CSMD1: variants seen among roughly 807,000 people sequenced by gnomAD.
CSMD1 encodes CUB and sushi domain-containing protein 1.
A neutral mutation model predicts 417.5 loss-of-function variants in CSMD1; 213 were observed. That is an observed-to-expected ratio of 0.51 (90% CI 0.46 to 0.57). The LOEUF (loss-of-function observed/expected upper bound fraction) is 0.57. Ranked by LOEUF, CSMD1 falls within the 20% of genes least tolerant of loss-of-function variation. CSMD1 has a pLI of 0.00. For missense variants in CSMD1, 6,923 were observed against 4,529.7 expected (o/e 1.53, Z -15.17); for synonymous variants, 2,862 against 1,736.8 (o/e 1.65, Z -16.11).
chr8:3,640,041 A>T (rs1349933383), intron 7 of CSMD1, among the ~76,000 whole-genome samples: 1 of 152,216 alleles, frequency 6.6e-6, no homozygotes, highest in Non-Finnish European at 1.5e-5. Context: ...GAATTAATGC[A>T]TGCATTAATC....
chr8:4,289,360 T>C (rs950838738), intron 3 of CSMD1, among the ~76,000 whole-genome samples: 9 of 152,058 alleles, frequency 5.9e-5, no homozygotes, highest in Admixed American at 1.3e-4. Flanking sequence ...ACTTTTCTTA[T>C]AGGTAAGATA....
intron 42 of CSMD1, among the ~76,000 whole-genome samples, chr8:3,111,771 G>A (rs527403182): frequency 6.6e-6 from 1 of 152,086 alleles, no homozygotes; most frequent in Non-Finnish European, 1.5e-5. Context: ...GGCAGAGGGT[G>A]TAGTAAGCCG....
intron 2 of CSMD1, among the ~76,000 whole-genome samples, chr8:4,437,328 T>C (rs1036275106): frequency 6.6e-6 from 1 of 151,610 alleles, no homozygotes; most frequent in Non-Finnish European, 1.5e-5. Context: ...AATAAGCTTG[T>C]TTTAAAAAGA....
chr8:2,981,427 C>G (rs1481497793), intron 54 of CSMD1, among the ~76,000 whole-genome samples: 1 of 151,000 alleles, frequency 6.6e-6, no homozygotes, highest in East Asian at 1.9e-4. Flanking sequence ...TGCAGCGACT[C>G]CAGACCTGGT....
At position 4,233,823 on chromosome 8, in the gene CSMD1, G is replaced by C. The variant is rs184915603; in HGVS notation, c.415+186130C>G. ...GGATATTTCATGAAATTTCATTTGAGTTGGTTAATTATTATTTGGCCATAT... is the reference window on the plus strand; with the variant it reads ...GGATATTTCATGAAATTTCATTTGACTTGGTTAATTATTATTTGGCCATAT... On this transcript the variant is annotated intron_variant, in intron 3 of 69. Transcript: ENST00000635120. Among the ~76,000 whole-genome samples the C allele has an allele frequency of 5.2e-3, 792 of 152,206 alleles. 13 individuals are homozygous for C. Among genetic ancestry groups the C allele is most frequent in the Non-Finnish European group, 8.0e-3 (544 of 68,018 alleles).
At chr8:4,584,887 T>C (rs1025290197) in intron 2 of CSMD1, among the ~76,000 whole-genome samples, 26 of 152,114 alleles carry the variant, frequency 1.7e-4, no homozygotes, top group East Asian at 5.8e-4. Flanking sequence ...GTGGATTGCA[T>C]TGGATTGGAT....
intron 2 of CSMD1, among the ~76,000 whole-genome samples, chr8:4,546,706 G>C (rs1051789566): frequency 6.6e-6 from 1 of 151,890 alleles, no homozygotes; most frequent in Non-Finnish European, 1.5e-5. Flanking sequence ...AGACGTCTCC[G>C]CCTTCATAAT....
intron 3 of CSMD1, among the ~76,000 whole-genome samples, chr8:4,183,225 A>G (rs1282200490): frequency 6.6e-6 from 1 of 152,162 alleles, no homozygotes; most frequent in Admixed American, 6.5e-5. Flanking sequence ...TGGAAAATGG[A>G]GAAGATCATC....
At chr8:4,072,188 T>A (rs1168761740) in intron 3 of CSMD1, among the ~76,000 whole-genome samples, 1 of 152,228 alleles carries the variant, frequency 6.6e-6, no homozygotes, top group Non-Finnish European at 1.5e-5. Flanking sequence ...CAGGTGTTTT[T>A]CTGTTTTACG....
intron 17 of CSMD1, among the ~76,000 whole-genome samples, chr8:3,389,640 T>C (rs1389427012): frequency 2.3e-5 from 1 of 43,688 alleles, no homozygotes; most frequent in African/African-American, 1.3e-4. Flanking sequence ...ATATTAATGG[T>C]TTTAATAAGT....
At chr8:3,029,610 A>G in intron 50 of CSMD1, 97 bp from the exon 51 acceptor site, 1 of 1,065,868 alleles carries the variant, frequency 9.4e-7, no homozygotes, top group African/African-American at 1.6e-5. Flanking sequence ...TATGAAACTG[A>G]TCTTGTTTGG....
At chr8:4,886,144 C>G (rs1803725294) in intron 1 of CSMD1, among the ~76,000 whole-genome samples, 1 of 151,960 alleles carries the variant, frequency 6.6e-6, no homozygotes, top group African/African-American at 2.4e-5. Flanking sequence ...GCACATGCCA[C>G]GACTCCCAGC....
At chr8:3,382,990 G>A (rs1041760908) in intron 18 of CSMD1, among the ~76,000 whole-genome samples, 1 of 152,130 alleles carries the variant, frequency 6.6e-6, no homozygotes, top group African/African-American at 2.4e-5. Context: ...CTGTGACAAA[G>A]TCAGCCGAAC....
intron 3 of CSMD1, among the ~76,000 whole-genome samples, chr8:4,297,749 G>A (rs948475083): frequency 6.6e-6 from 1 of 152,048 alleles, no homozygotes; most frequent in African/African-American, 2.4e-5. Context: ...CACCACTAAC[G>A]ATTAAGAACC....
intron 31 of CSMD1, among the ~76,000 whole-genome samples, chr8:3,202,373 G>A (rs746766044): frequency 1.3e-5 from 2 of 152,078 alleles, no homozygotes; most frequent in Non-Finnish European, 2.9e-5. Context: ...TGATTCTCTG[G>A]CATATAATAG....
chr8:3,688,116 C>G (rs1337615588), intron 7 of CSMD1, among the ~76,000 whole-genome samples: 3 of 152,172 alleles, frequency 2.0e-5, no homozygotes, highest in Non-Finnish European at 4.4e-5. Context: ...GTGTGCTTAT[C>G]TGCTTCGAAG....
chr8:3,201,647 G>T lies in CSMD1; in HGVS notation c.5063C>A (p.Ala1688Asp). ...AELFDGTHAQ[A>D]RLLSSLSGSH... is the part of the protein sequence containing the mutation. ...CCCCGAGAGTGAGCTGAGAAGTCTG[G>T]CCTGTGCATGGGTTCCATCAAATAA... The change falls in exon 32 of 70, where the codon GCC (alanine) becomes GAC (aspartate). Residue 1688 changes from alanine to aspartate, a missense_variant. Ala to Asp is a moderately radical substitution (Grantham distance 126). Transcript: ENST00000635120. 2 of 1,605,542 alleles carry T rather than the reference G, an allele frequency of 1.2e-6. No homozygotes were observed. The highest frequency in any genetic ancestry group is 1.7e-6 in the Non-Finnish European group (2 of 1,175,866).
intron 3 of CSMD1, among the ~76,000 whole-genome samples, chr8:4,278,016 G>A (rs763267800): frequency 1.3e-5 from 2 of 152,008 alleles, no homozygotes; most frequent in African/African-American, 4.8e-5. Flanking sequence ...CAAAGTGCTG[G>A]GATTACAAGC....
At chr8:4,404,709 T>G (rs1363782569) in intron 3 of CSMD1, among the ~76,000 whole-genome samples, 1 of 152,042 alleles carries the variant, frequency 6.6e-6, no homozygotes, top group African/African-American at 2.4e-5. Flanking sequence ...TATTTAAATT[T>G]TACTTATATT....
Sources: allele counts gnomAD v4.1 joint callset (sites outside exome capture counted in the v4.1 genomes callset), GRCh38; gene constraint gnomAD v4.1.1; transcripts MANE v1.5; gene names NCBI Gene and HGNC (gene_info 2026-07-23, HGNC 2026-07-21).